The following STAG1 variants were observed in gnomAD, a reference collection of about 807,000 sequenced individuals.
STAG1 encodes STAG1 cohesin complex component, also known as cohesin subunit SA-1.
A neutral mutation model predicts 170.9 loss-of-function variants in STAG1; 26 were observed. The observed-to-expected ratio is 0.15, with a 90% CI of 0.11 to 0.21. The LOEUF (loss-of-function observed/expected upper bound fraction) is 0.21, where lower values mean the gene tolerates loss of function less well. Ranked by LOEUF, STAG1 falls within the 10% of genes least tolerant of loss-of-function variation. STAG1 has a pLI of 1.00. For synonymous variants in STAG1, 514 were observed against 497.7 expected, an observed-to-expected ratio of 1.03 and a Z score of -0.44; for missense variants, 964 against 1,509.5, an observed-to-expected ratio of 0.64 and a Z score of 5.99.
intron 4 of STAG1, 74 bp from the exon 5 acceptor site, chr3:136,568,935 T>C: frequency 1.0e-6 from 1 of 996,304 alleles, no homozygotes; most frequent in Admixed American, 2.3e-5. Context: ...TCAAAAAAGT[T>C]TGTGTGTTTG....
intron 25 of STAG1, among the ~76,000 whole-genome samples, chr3:136,365,487 A>G (rs1446644729): frequency 6.6e-6 from 1 of 152,162 alleles, no homozygotes; most frequent in East Asian, 1.9e-4. Flanking sequence ...AAAGGAAAGA[A>G]GGTTATATGG....
chr3:136,672,213 C>T (rs985668260), intron 1 of STAG1, among the ~76,000 whole-genome samples: 6 of 152,152 alleles, frequency 3.9e-5, no homozygotes, highest in Admixed American at 2.0e-4. Context: ...GATTAGCTCA[C>T]AAAAATGAGG....
chr3:136,465,042 C>CT, intron 12 of STAG1, 54 bp from the exon 13 acceptor site: 1 of 1,357,992 alleles, frequency 7.4e-7, no homozygotes, highest in South Asian at 1.4e-5. Flanking sequence ...ATTTTCCTTT[C>CT]TACTTTTATT....
chr3:136,674,763 A>T (rs1372471365), intron 1 of STAG1, among the ~76,000 whole-genome samples: 1 of 152,220 alleles, frequency 6.6e-6, no homozygotes, highest in African/African-American at 2.4e-5. Context: ...TGTACCATTT[A>T]CTGCATGTCA....
intron 1 of STAG1, among the ~76,000 whole-genome samples, chr3:136,659,513 A>C (rs1941504506): frequency 6.6e-6 from 1 of 152,214 alleles, no homozygotes; most frequent in Non-Finnish European, 1.5e-5. Flanking sequence ...TGCATTTTAA[A>C]AGCTTTCACA....
intron 12 of STAG1, among the ~76,000 whole-genome samples, chr3:136,470,520 A>G (rs1385885547): frequency 1.3e-5 from 2 of 152,204 alleles, no homozygotes; most frequent in Non-Finnish European, 2.9e-5. Flanking sequence ...AAATAGGAAC[A>G]CTTTTACACT....
chr3:136,624,157 G>A (rs1246851843), intron 2 of STAG1, among the ~76,000 whole-genome samples: 1 of 151,374 alleles, frequency 6.6e-6, no homozygotes, highest in Non-Finnish European at 1.5e-5. Context: ...GGAGTGCAGT[G>A]GCACAATCTC....
chr3:136,453,943 G>A (rs768022277), intron 13 of STAG1, among the ~76,000 whole-genome samples: 1 of 151,714 alleles, frequency 6.6e-6, no homozygotes, highest in African/African-American at 2.4e-5. Flanking sequence ...CAGGTGAGGA[G>A]GAAGGCATAT....
At chr3:136,652,418 C>T (rs1451082711) in intron 1 of STAG1, among the ~76,000 whole-genome samples, 1 of 152,184 alleles carries the variant, frequency 6.6e-6, no homozygotes, top group South Asian at 2.1e-4. Context: ...GCAGGATAAA[C>T]TAAGACTGAC....
At chr3:136,458,900 A>G (rs374891140) in intron 13 of STAG1, among the ~76,000 whole-genome samples, 24 of 152,366 alleles carry the variant, frequency 1.6e-4, no homozygotes, top group Admixed American at 5.2e-4. Flanking sequence ...CAAATAAAAT[A>G]GACTTTAAGT....
intron 21 of STAG1, among the ~76,000 whole-genome samples, chr3:136,400,473 T>C (rs563026967): frequency 2.0e-5 from 3 of 152,014 alleles, no homozygotes; most frequent in Non-Finnish European, 4.4e-5. Context: ...TGCCCACCTC[T>C]GCCTCCCAAA....
At chr3:136,394,972 C>T (rs966235107) in intron 22 of STAG1, among the ~76,000 whole-genome samples, 5 of 148,640 alleles carry the variant, frequency 3.4e-5, no homozygotes, top group East Asian at 4.0e-4. Flanking sequence ...TGTAGCTAGG[C>T]GTGGTGGCAC....
intron 15 of STAG1, among the ~76,000 whole-genome samples, chr3:136,442,449 T>G (rs950111195): frequency 2.6e-5 from 4 of 152,244 alleles, no homozygotes; most frequent in Admixed American, 2.0e-4. Context: ...ACATGTTCAA[T>G]TTGCTGTGCA....
intron 13 of STAG1, among the ~76,000 whole-genome samples, chr3:136,453,590 C>CA (rs34324239): frequency 0.35 from 33,925 of 98,132 alleles, 4,901 homozygotes; most frequent in African/African-American, 0.45. Flanking sequence ...GACTATGTCT[C>CA]AAAAAAAAAA....
chr3:136,551,235 G>A (rs1283141815), intron 5 of STAG1, among the ~76,000 whole-genome samples: 6 of 145,136 alleles, frequency 4.1e-5, no homozygotes, highest in Admixed American at 6.9e-5. Context: ...GAGAGAGAGA[G>A]AGAGAGAGAG....
chr3:136,338,290 T>A lies in STAG1; in HGVS notation c.3754-13A>T, dbSNP rs1394714599. On this transcript the variant is annotated splice_polypyrimidine_tract_variant and intron_variant, in intron 33 of 33. Transcript: ENST00000383202. ...GCATTCCAAATCCCTAGAAAAATGA[T>A]GAGAAACATAATTATTAATTTCATG... The A allele has an allele frequency of 6.2e-7, 1 of 1,604,474 alleles. No individual in the cohort carries two copies. The highest frequency in any genetic ancestry group is 8.5e-7 in the Non-Finnish European group (1 of 1,172,336).
intron 1 of STAG1, among the ~76,000 whole-genome samples, chr3:136,723,816 C>T (rs1241892902): frequency 2.0e-5 from 3 of 147,342 alleles, no homozygotes; most frequent in Admixed American, 6.7e-5. Flanking sequence ...CCAGCCGCCC[C>T]GTCCGGGAGG....
chr3:136,474,572 G>C (rs2089699311), intron 10 of STAG1, among the ~76,000 whole-genome samples: 1 of 152,198 alleles, frequency 6.6e-6, no homozygotes, highest in Non-Finnish European at 1.5e-5. Flanking sequence ...CCAATATTAA[G>C]TTATTGATGA....
chr3:136,682,446 AAT>A (rs35792608), intron 1 of STAG1, among the ~76,000 whole-genome samples: 11 of 146,348 alleles, frequency 7.5e-5, no homozygotes, highest in Admixed American at 1.4e-4. Flanking sequence ...AAAAAAATAA[AAT>A]ATATATATAT....
Sources: gnomAD v4.1 joint callset for allele counts (sites outside exome capture counted in the v4.1 genomes callset) on GRCh38, gnomAD v4.1.1 for gene constraint, MANE v1.5 for transcripts, NCBI Gene and HGNC (gene_info 2026-07-23, HGNC 2026-07-21) for gene names.